Variants in TMTC2 observed in about 807,000 individuals in gnomAD.
TMTC2 encodes the protein transmembrane O-mannosyltransferase targeting cadherins 2, also known as protein O-mannosyl-transferase TMTC2.
Under a neutral mutation model 82.4 loss-of-function variants are expected in TMTC2, and 43 were observed. The observed-to-expected ratio is 0.52, with a 90% CI of 0.41 to 0.67. TMTC2 has a LOEUF of 0.67. Ranked by LOEUF, TMTC2 falls within the 30% of genes least tolerant of loss-of-function variation. The pLI, the probability that TMTC2 is intolerant of heterozygous loss-of-function variation, is 0.00. For missense variants in TMTC2, 919 were observed against 1,012.4 expected (o/e 0.91, Z 1.25); for synonymous variants, 408 against 381.9 (o/e 1.07, Z -0.80).
intron 11 of TMTC2, among the ~76,000 whole-genome samples, chr12:83,103,458 C>T (rs547195280): frequency 1.4e-4 from 21 of 152,048 alleles, no homozygotes; most frequent in South Asian, 1.2e-3. Context: ...GGCGCTTTTT[C>T]GGATCTCGGA....
intron 8 of TMTC2, among the ~76,000 whole-genome samples, chr12:83,009,503 A>G (rs1370325677): frequency 6.6e-6 from 1 of 152,080 alleles, no homozygotes; most frequent in Non-Finnish European, 1.5e-5. Flanking sequence ...TTCTCTCCAC[A>G]TTGTAGGGTG....
chr12:82,941,787 T>TCA (rs1445539454), intron 4 of TMTC2, among the ~76,000 whole-genome samples: 1 of 152,164 alleles, frequency 6.6e-6, no homozygotes, highest in Non-Finnish European at 1.5e-5. Flanking sequence ...TGAGATGGAG[T>TCA]CACACTCTGT....
intron 1 of TMTC2, among the ~76,000 whole-genome samples, chr12:82,813,057 T>C (rs1459881041): frequency 6.6e-6 from 1 of 152,072 alleles, no homozygotes; most frequent in Non-Finnish European, 1.5e-5. Context: ...TGGATCATTA[T>C]GTTTATATAA....
chr12:82,808,090 A>T (rs537354679), intron 1 of TMTC2, among the ~76,000 whole-genome samples: 15 of 151,972 alleles, frequency 9.9e-5, no homozygotes, highest in East Asian at 7.7e-4. Flanking sequence ...AAAATATCTT[A>T]AAAAAACTGT....
chr12:82,750,889 G>GT (rs957155860), intron 1 of TMTC2, among the ~76,000 whole-genome samples: 4 of 151,806 alleles, frequency 2.6e-5, no homozygotes, highest in South Asian at 2.1e-4. Context: ...ACAAATTCCA[G>GT]TTTTTTTTGA....
chr12:82,882,328 T>C (rs1872874832), intron 2 of TMTC2, among the ~76,000 whole-genome samples: 2 of 152,144 alleles, frequency 1.3e-5, no homozygotes, highest in Admixed American at 6.5e-5. Context: ...AGCCTTCGGG[T>C]ACTGTTGATA....
intron 8 of TMTC2, among the ~76,000 whole-genome samples, chr12:83,000,544 G>C (rs2082648): frequency 0.77 from 116,567 of 152,160 alleles, 46,200 homozygotes; most frequent in South Asian, 0.93. Flanking sequence ...AGCTCCACCC[G>C]TGTGACTGCA....
intron 8 of TMTC2, among the ~76,000 whole-genome samples, chr12:83,016,550 GT>G (rs1441545805): frequency 6.6e-6 from 1 of 152,208 alleles, no homozygotes; most frequent in Non-Finnish European, 1.5e-5. Context: ...ATGTGTAAGA[GT>G]AGGAATTACC....
chr12:82,816,643 A>C (rs1868750381), intron 1 of TMTC2, among the ~76,000 whole-genome samples: 1 of 152,098 alleles, frequency 6.6e-6, no homozygotes, highest in Non-Finnish European at 1.5e-5. Context: ...CCCACCAAAA[A>C]CCTGCTGTTT....
chr12:83,130,358 A>C (rs1237046598), intron 11 of TMTC2, among the ~76,000 whole-genome samples: 2 of 152,178 alleles, frequency 1.3e-5, no homozygotes, highest in Admixed American at 6.5e-5. Flanking sequence ...TGGTATTTTC[A>C]GTTTCCAATG....
intron 1 of TMTC2, among the ~76,000 whole-genome samples, chr12:82,749,530 AT>A (rs1875867789): frequency 6.6e-6 from 1 of 151,788 alleles, no homozygotes; most frequent in Non-Finnish European, 1.5e-5. Context: ...CTGTACTGTG[AT>A]TGTGAGACAC....
intron 11 of TMTC2, among the ~76,000 whole-genome samples, chr12:83,120,661 G>A (rs1017352274): frequency 6.6e-6 from 1 of 152,174 alleles, no homozygotes; most frequent in Non-Finnish European, 1.5e-5. Flanking sequence ...GTATTTCCCA[G>A]GTGTTCTTTG....
chr12:83,123,710 A>G lies in TMTC2; in HGVS notation c.2332-8500A>G, dbSNP rs188505093. 9.2e-4 allele frequency among the ~76,000 whole-genome samples: 140 copies of G among 152,040 alleles called. 4 individuals carry two copies. The highest frequency in any genetic ancestry group is 1.5e-3 in the Admixed American group (23 of 15,266). On this transcript the variant is annotated intron_variant, in intron 11 of 11. Transcript: ENST00000321196. The stretch of plus-strand genomic sequence containing the variant: ...ATTCTGACTCCCCTCTATTGGGGCG[A>G]CTCTTCACTCCTGGCTCTGCTCTCA...
chr12:82,995,926 C>T (rs916390388), intron 8 of TMTC2, among the ~76,000 whole-genome samples: 1 of 152,190 alleles, frequency 6.6e-6, no homozygotes, highest in South Asian at 2.1e-4. Context: ...TTGTGAGCCA[C>T]CACACCAGCC....
chr12:82,779,744 A>C (rs1006141555), intron 1 of TMTC2, among the ~76,000 whole-genome samples: 1 of 152,084 alleles, frequency 6.6e-6, no homozygotes, highest in Non-Finnish European at 1.5e-5. Flanking sequence ...ACTAAAAACT[A>C]CAAAAATTAG....
chr12:83,021,213 G>A (rs1409427144), intron 8 of TMTC2, among the ~76,000 whole-genome samples: 4 of 151,930 alleles, frequency 2.6e-5, no homozygotes, highest in African/African-American at 9.7e-5. Flanking sequence ...CAAGGTATCC[G>A]ATTTCCAGTA....
At chr12:82,937,750 G>GTATATATATA (rs1162321741) in intron 4 of TMTC2, among the ~76,000 whole-genome samples, 3 of 106,048 alleles carry the variant, frequency 2.8e-5, no homozygotes, top group African/African-American at 4.8e-5. Context: ...GTGTGTGTGT[G>GTATATATATA]TATATATATA....
intron 1 of TMTC2, among the ~76,000 whole-genome samples, chr12:82,783,290 C>CTCTG (rs1877999846): frequency 8.4e-6 from 1 of 119,274 alleles, no homozygotes; most frequent in African/African-American, 3.2e-5. Flanking sequence ...GTATATGCCT[C>CTCTG]TGTGTGTGTG....
chr12:82,699,963 ATATT>A (rs776370084), intron 1 of TMTC2, among the ~76,000 whole-genome samples: 13 of 152,148 alleles, frequency 8.5e-5, no homozygotes, highest in Non-Finnish European at 1.5e-4. Flanking sequence ...TAGGATGACT[ATATT>A]TATATAGTAC....
Sources: allele counts gnomAD v4.1 joint callset (sites outside exome capture counted in the v4.1 genomes callset), GRCh38; gene constraint gnomAD v4.1.1; transcripts MANE v1.5; gene names NCBI Gene and HGNC (gene_info 2026-07-23, HGNC 2026-07-21).